HPS5: variants seen among roughly 807,000 people sequenced by gnomAD.
HPS5 encodes the protein BLOC-2 complex member HPS5.
HPS5 carries 83 observed loss-of-function variants against 128.0 expected under a neutral mutation model. That is an observed-to-expected ratio of 0.65 (90% CI 0.54 to 0.78). The LOEUF is 0.78. Among genes scored for constraint, HPS5 ranks in the 30% least tolerant of loss-of-function variants. The pLI, the probability that HPS5 is intolerant of heterozygous loss-of-function variation, is 0.00. For synonymous variants in HPS5, 475 were observed against 470.2 expected, an observed-to-expected ratio of 1.01 and a Z score of -0.13; for missense variants, 1,281 against 1,326.2, an observed-to-expected ratio of 0.97 and a Z score of 0.53.
chr11:18,281,068 ATCTGG>A (rs1265056251), intron 22 of HPS5, among the ~76,000 whole-genome samples: 1 of 151,346 alleles, frequency 6.6e-6, no homozygotes, highest in Non-Finnish European at 1.5e-5. Context: ...GACATTAGGT[ATCTGG>A]TACCAGTAAT....
intron 15 of HPS5, among the ~76,000 whole-genome samples, chr11:18,292,431 C>T (rs960735919): frequency 1.3e-5 from 2 of 152,012 alleles, no homozygotes; most frequent in East Asian, 1.9e-4. Context: ...TAAGCTCAAG[C>T]GATCCGCCCA....
chr11:18,303,396 G>A (rs1040605604), intron 8 of HPS5, among the ~76,000 whole-genome samples: 3 of 152,182 alleles, frequency 2.0e-5, no homozygotes, highest in Non-Finnish European at 2.9e-5. Flanking sequence ...GTTGTCTAAC[G>A]TAAGCCTCTT....
chr11:18,287,658 C>A lies in HPS5; in HGVS notation c.2594G>T (p.Arg865Leu), dbSNP rs745438305. Reference protein sequence around the residue: ...LYEKFGESALRSLIKFFPSIL... With the variant: ...LYEKFGESALLSLIKFFPSIL... ...GGATGGAAAGAACTTGATTAAGGAT[C>A]GAAGAGCAGACTCCCCAAACTTTTC... The change falls in exon 18 of 23, where the codon CGA (arginine) becomes CTA (leucine). Residue 865 changes from arginine (R) to leucine (L), a missense_variant. Coordinates refer to ENST00000349215, the MANE Select transcript of HPS5 (RefSeq NM_181507.2). The A allele has an allele frequency of 6.2e-7, 1 of 1,614,050 alleles. No homozygotes were observed. Among genetic ancestry groups the A allele is most frequent in the South Asian group, 1.1e-5 (1 of 91,074 alleles).
At chr11:18,321,519 G>C (rs966836520) in intron 1 of HPS5, among the ~76,000 whole-genome samples, 1 of 152,198 alleles carries the variant, frequency 6.6e-6, no homozygotes, top group African/African-American at 2.4e-5. Context: ...GGATCACAGA[G>C]TTCATAAATG....
intron 16 of HPS5, among the ~76,000 whole-genome samples, chr11:18,291,217 T>A (rs975274158): frequency 6.6e-6 from 1 of 151,966 alleles, no homozygotes; most frequent in Non-Finnish European, 1.5e-5. Context: ...TCAAAAAAAA[T>A]AAAATAAATA....
chr11:18,289,069 G>A (rs1207285091), intron 16 of HPS5, among the ~76,000 whole-genome samples: 1 of 152,146 alleles, frequency 6.6e-6, no homozygotes, highest in African/African-American at 2.4e-5. Flanking sequence ...TGCCTCTGAA[G>A]ACAAATCCCA....
At chr11:18,280,772 G>A in intron 22 of HPS5, 1 of 472,754 alleles carries the variant, frequency 2.1e-6, no homozygotes, top group Non-Finnish European at 3.7e-6. Flanking sequence ...TATGCTCAGT[G>A]AAAACAGGCT....
intron 6 of HPS5, among the ~76,000 whole-genome samples, chr11:18,307,459 T>C (rs2061164): frequency 0.73 from 110,530 of 152,148 alleles, 40,588 homozygotes; most frequent in East Asian, 0.97. Context: ...GGAAATAAAA[T>C]ATATTTCTTC....
chr11:18,319,254 A>AT lies in HPS5; in HGVS notation c.-49-1348_-49-1347insA, dbSNP rs1564990385. On this transcript the variant is annotated intron_variant, in intron 1 of 22. Coordinates refer to ENST00000349215, the MANE Select transcript of HPS5 (RefSeq NM_181507.2). Reference sequence around the variant, plus strand: ...TTATAATACGGAGGAAAAGACAAATACCACACACACACACACACACACACA... The same window carrying AT: ...TTATAATACGGAGGAAAAGACAAATATCCACACACACACACACACACACACA... Among the ~76,000 whole-genome samples the AT allele has an allele frequency of 6.6e-4, 55 of 83,246 alleles. 1 individual carries two copies. Among genetic ancestry groups the AT allele is most frequent in the South Asian group, 4.3e-3 (12 of 2,804 alleles). The allele number at this position is 83,246 out of a possible 152,430, so 54.6% of individuals were successfully genotyped here.
rs1861266697 is a variant in HPS5 at position 18,297,904 on chromosome 11, AC to A, written c.1165-188del. On this transcript the variant is annotated intron_variant, in intron 10 of 22. Transcript: ENST00000349215. Reference sequence around the variant, plus strand: ...AGACAAGCCTGGCCAACATGGTGAAACCCCGTCTCTACTAAAAATACAAAAA... The same window carrying A: ...AGACAAGCCTGGCCAACATGGTGAAACCCGTCTCTACTAAAAATACAAAAA... Among the ~76,000 whole-genome samples, 3 of 151,986 alleles carry A rather than the reference AC, an allele frequency of 2.0e-5. No individual in the cohort carries two copies. In the South Asian group the frequency reaches 6.2e-4, roughly 32 times the overall value.
intron 22 of HPS5, 128 bp downstream of exon 22, chr11:18,281,822 A>T: frequency 9.5e-7 from 1 of 1,050,786 alleles, no homozygotes; most frequent in Non-Finnish European, 1.5e-6. Context: ...CTTAATTACC[A>T]CATCAGTCTC....
Position 18,321,091 on chromosome 11 carries a change from A to G in HPS5, c.-50+855T>C, listed in dbSNP as rs561681933. ...ATTGTTCAAGTTGCGTTAAGTGTAC[A>G]TGAGGGTTCAATTTATTATCCTACT... On this transcript the variant is annotated intron_variant, in intron 1 of 22. Coordinates refer to ENST00000349215, the MANE Select transcript of HPS5 (RefSeq NM_181507.2). Among the ~76,000 whole-genome samples the G allele has an allele frequency of 9.8e-5, 15 of 152,368 alleles. No homozygotes were observed. In the East Asian group the frequency reaches 1.9e-3, roughly 20 times the overall value.
intron 2 of HPS5, among the ~76,000 whole-genome samples, chr11:18,317,195 A>G (rs1366014912): frequency 0.015 from 2 of 136 alleles, no homozygotes; most frequent in Non-Finnish European, 0.025. Flanking sequence ...CTCCGTCTCA[A>G]AAAAAAAAAA....
intron 7 of HPS5, among the ~76,000 whole-genome samples, chr11:18,305,736 T>A (rs1862275447): frequency 1.3e-5 from 2 of 149,898 alleles, no homozygotes; most frequent in South Asian, 4.2e-4. Context: ...TAAAATCTTT[T>A]TTTTTTTTTT....
At chr11:18,302,671 A>G (rs1236075754) in intron 8 of HPS5, among the ~76,000 whole-genome samples, 1 of 151,900 alleles carries the variant, frequency 6.6e-6, no homozygotes, top group African/African-American at 2.4e-5. Flanking sequence ...TTGGGCCCTC[A>G]TGTAAGTGTT....
chr11:18,302,322 T>C (rs1173941811), intron 8 of HPS5, among the ~76,000 whole-genome samples: 1 of 152,200 alleles, frequency 6.6e-6, no homozygotes, highest in African/African-American at 2.4e-5. Flanking sequence ...CTAATGCTGT[T>C]CAGGACATTC....
chr11:18,291,731 C>T lies in HPS5; in HGVS notation c.2151G>A (p.Leu717=). ...GAGAACATATTTGAAACAGGTCATC[C>T]AAAGACTCCCTTGGACTCCTTACAC... ...CECVRSPRES[L]DDLFQICSPC... is the part of the protein sequence containing the mutation. The change falls in exon 16 of 23, where the codon TTG becomes TTA. Residue 717 remains leucine, a synonymous_variant. Coordinates refer to ENST00000349215, the MANE Select transcript of HPS5 (RefSeq NM_181507.2). The T allele has an allele frequency of 6.2e-7, 1 of 1,614,196 alleles. No homozygotes were observed. The highest frequency in any genetic ancestry group is 1.7e-5 in the Admixed American group (1 of 60,018).
intron 1 of HPS5, among the ~76,000 whole-genome samples, chr11:18,318,429 G>A (rs1246466770): frequency 6.6e-6 from 1 of 152,176 alleles, no homozygotes; most frequent in African/African-American, 2.4e-5. Flanking sequence ...AGTAAGTATG[G>A]TGAATGAATG....
Position 18,317,840 on chromosome 11 carries a change from T to C in HPS5, c.19A>G (p.Ile7Val). Residue 7 changes from isoleucine to valine, a missense_variant, in exon 2 of 23, where the codon ATA becomes GTA. Transcript: ENST00000349215. MAFVPV[I>V]PESYSHVLAE... ...AGAACATGGCTGTAGGACTCTGGTA[T>C]CACTGGCACAAAAGCCATTTAGCCA... is the stretch of plus-strand genomic sequence containing the variant. The C allele has an allele frequency of 6.2e-7, 1 of 1,613,498 alleles. No individual in the cohort carries two copies. Among genetic ancestry groups the C allele is most frequent in the Non-Finnish European group, 8.5e-7 (1 of 1,179,676 alleles).
Sources: gnomAD v4.1 joint callset for allele counts (sites outside exome capture counted in the v4.1 genomes callset) on GRCh38, gnomAD v4.1.1 for gene constraint, MANE v1.5 for transcripts, NCBI Gene and HGNC (gene_info 2026-07-23, HGNC 2026-07-21) for gene names.